HAPLN1: variants seen among roughly 807,000 people sequenced by gnomAD.
The protein encoded by HAPLN1 is hyaluronan and proteoglycan link protein 1.
Under a neutral mutation model 36.5 loss-of-function variants are expected in HAPLN1, and 13 were observed. The observed-to-expected ratio is 0.36, with a 90% CI of 0.23 to 0.57. HAPLN1 has a LOEUF of 0.57. Among genes scored for constraint, HAPLN1 ranks in the 20% least tolerant of loss-of-function variants. The pLI is 0.83. For missense variants in HAPLN1, 407 were observed against 439.7 expected, an observed-to-expected ratio of 0.93 and a Z score of 0.66; for synonymous variants, 202 against 169.8, an observed-to-expected ratio of 1.19 and a Z score of -1.48.
chr5:83,679,629 C>T (rs1353311138), intron 1 of HAPLN1, among the ~76,000 whole-genome samples: 2 of 152,026 alleles, frequency 1.3e-5, no homozygotes, highest in Admixed American at 1.3e-4. Context: ...ATCATCGAAC[C>T]AGGCACAGAG....
At chr5:83,705,382 C>A (rs1225947040) in intron 1 of HAPLN1, among the ~76,000 whole-genome samples, 3 of 44,910 alleles carry the variant, frequency 6.7e-5, no homozygotes, top group African/African-American at 1.8e-4. Flanking sequence ...AAGAGTGAAA[C>A]GTCACAAAAA....
At chr5:83,656,584 G>T (rs1750224277) in intron 2 of HAPLN1, among the ~76,000 whole-genome samples, 3 of 152,106 alleles carry the variant, frequency 2.0e-5, no homozygotes, top group South Asian at 4.1e-4. Context: ...GAGGCTGTAT[G>T]TTGAAATTGG....
chr5:83,694,363 G>A (rs1751345384), intron 1 of HAPLN1, among the ~76,000 whole-genome samples: 1 of 151,922 alleles, frequency 6.6e-6, no homozygotes. Flanking sequence ...AATGACTTCA[G>A]ATTCCACATT....
chr5:83,646,482 A>G (rs186919207), intron 3 of HAPLN1, among the ~76,000 whole-genome samples: 112 of 152,352 alleles, frequency 7.4e-4, no homozygotes, highest in Non-Finnish European at 9.6e-4. Context: ...AGAAATTTCA[A>G]TGGCCTTAAA....
rs569684590 is a variant in HAPLN1 at position 83,673,738 on chromosome 5, A to C, written c.-26-189T>G. ...GCAGCTTTGAACAATTCCTGCTACC[A>C]TCATGTAGCCAGAGTCCAAATAGTG... On this transcript the variant is annotated intron_variant, in intron 1 of 4. Coordinates refer to ENST00000274341, the MANE Select transcript of HAPLN1 (RefSeq NM_001884.4). 3.2e-5 allele frequency: 16 copies of C among 506,360 alleles called. No homozygotes were observed. The East Asian group carries it at 5.9e-4, about 19-fold the overall frequency. 31.4% of individuals were successfully genotyped at this position (506,360 alleles called of 1,614,324 possible). A position where few individuals can be genotyped will look rare whatever the true frequency, so the allele number is the denominator to read the frequency against.
At chr5:83,688,581 T>C (rs964496066) in intron 1 of HAPLN1, among the ~76,000 whole-genome samples, 6 of 150,032 alleles carry the variant, frequency 4.0e-5, no homozygotes, top group South Asian at 4.3e-4. Flanking sequence ...ACCTCTTTTG[T>C]GGGCATTCAC....
chr5:83,690,855 C>T (rs995318979), intron 1 of HAPLN1, among the ~76,000 whole-genome samples: 5 of 151,886 alleles, frequency 3.3e-5, no homozygotes, highest in South Asian at 2.1e-4. Flanking sequence ...TAAAATAAGT[C>T]GCATATTTTT....
chr5:83,698,313 C>T lies in HAPLN1; in HGVS notation c.-27+22476G>A, dbSNP rs6865132. 3.2e-4 allele frequency among the ~76,000 whole-genome samples: 49 copies of T among 151,890 alleles called. No individual in the cohort carries two copies. The East Asian group carries it at 7.8e-3, about 24-fold the overall frequency. ...GAGCTCCATTGTATGTTATTTTTTT[C>T]TTTTTCTTTTCCTGCTTTGTAAGGA... On this transcript the variant is annotated intron_variant, in intron 1 of 4. Coordinates refer to ENST00000274341, the MANE Select transcript of HAPLN1 (RefSeq NM_001884.4).
intron 3 of HAPLN1, among the ~76,000 whole-genome samples, chr5:83,650,301 TTGAC>T (rs1306029381): frequency 6.6e-6 from 1 of 152,230 alleles, no homozygotes; most frequent in Non-Finnish European, 1.5e-5. Context: ...ATAAAGAAGA[TTGAC>T]TGAACATGAA....
chr5:83,684,809 GTTAC>G (rs1751084236), intron 1 of HAPLN1, among the ~76,000 whole-genome samples: 1 of 152,070 alleles, frequency 6.6e-6, no homozygotes, highest in Non-Finnish European at 1.5e-5. Flanking sequence ...ATCACTGCAG[GTTAC>G]TTACTTTATC....
At position 83,704,624 on chromosome 5, in the gene HAPLN1, C is replaced by A. The variant is rs114531500; in HGVS notation, c.-27+16165G>T. Among the ~76,000 whole-genome samples the A allele has an allele frequency of 1.7e-3, 263 of 152,252 alleles. 6 individuals carry two copies. Among genetic ancestry groups the A allele is most frequent in the South Asian group, 0.014 (66 of 4,824 alleles). On this transcript the variant is annotated intron_variant, in intron 1 of 4. Transcript: ENST00000274341. ...GCAATCCTAATTTTGGAACAACAGA[C>A]TTTAAACTAACAAAGATCAGAAACT...
At chr5:83,691,137 GAA>G in intron 1 of HAPLN1, among the ~76,000 whole-genome samples, 1 of 152,156 alleles carries the variant, frequency 6.6e-6, no homozygotes, top group Middle Eastern at 3.4e-3. Context: ...ATTGCCGAAA[GAA>G]AGTTTTCATA....
intron 2 of HAPLN1, among the ~76,000 whole-genome samples, chr5:83,659,884 T>C (rs1046982433): frequency 3.3e-5 from 5 of 152,028 alleles, no homozygotes; most frequent in African/African-American, 7.3e-5. Flanking sequence ...ATGCTGAAAA[T>C]AGGATAAGTG....
At chr5:83,714,075 G>A (rs1205525920) in intron 1 of HAPLN1, among the ~76,000 whole-genome samples, 1 of 152,140 alleles carries the variant, frequency 6.6e-6, no homozygotes, top group Non-Finnish European at 1.5e-5. Context: ...ATAGGCACTT[G>A]GGATAGAAAG....
intron 1 of HAPLN1, chr5:83,674,933 C>G (rs1434611325): frequency 1.3e-5 from 2 of 152,146 alleles, no homozygotes; most frequent in Non-Finnish European, 2.9e-5. Flanking sequence ...TAAATCTTTT[C>G]TTTTTCTTCA....
At chr5:83,678,213 T>C (rs1168670390) in intron 1 of HAPLN1, among the ~76,000 whole-genome samples, 1 of 105,330 alleles carries the variant, frequency 9.5e-6, no homozygotes, top group Non-Finnish European at 2.0e-5. Context: ...TTTTTATCTA[T>C]AGTTTGGGTG....
chr5:83,663,384 C>T (rs1466306235), intron 2 of HAPLN1, among the ~76,000 whole-genome samples: 1 of 152,068 alleles, frequency 6.6e-6, no homozygotes, highest in Non-Finnish European at 1.5e-5. Flanking sequence ...GAATATGTGC[C>T]CTCTGCATTT....
At chr5:83,712,198 C>T (rs772131745) in intron 1 of HAPLN1, among the ~76,000 whole-genome samples, 14 of 152,072 alleles carry the variant, frequency 9.2e-5, no homozygotes, top group Non-Finnish European at 1.6e-4. Context: ...GGTGGCAGCA[C>T]AAGCACAATA....
At chr5:83,680,047 T>A (rs1279404019) in intron 1 of HAPLN1, among the ~76,000 whole-genome samples, 2 of 152,114 alleles carry the variant, frequency 1.3e-5, no homozygotes, top group Non-Finnish European at 2.9e-5. Flanking sequence ...TACTTACTGT[T>A]TTTGGCTGTT....
Sources: allele counts gnomAD v4.1 joint callset (sites outside exome capture counted in the v4.1 genomes callset), GRCh38; gene constraint gnomAD v4.1.1; transcripts MANE v1.5; gene names NCBI Gene and HGNC (gene_info 2026-07-23, HGNC 2026-07-21).